TBC1D5: variants seen among roughly 807,000 people sequenced by gnomAD.
TBC1D5 encodes TBC1 domain family, member 5.
TBC1D5 carries 75 observed loss-of-function variants against 100.3 expected under a neutral mutation model. The observed-to-expected ratio is 0.75, with a 90% CI of 0.62 to 0.91. The LOEUF (loss-of-function observed/expected upper bound fraction) is 0.91, where lower values mean the gene tolerates loss of function less well. TBC1D5 is among the 40% of genes least tolerant of loss of function. The pLI, the probability that TBC1D5 is intolerant of heterozygous loss-of-function variation, is 0.00. For synonymous variants in TBC1D5, 323 were observed against 325.6 expected, an observed-to-expected ratio of 0.99 and a Z score of 0.09; for missense variants, 910 against 942.4, an observed-to-expected ratio of 0.97 and a Z score of 0.45.
chr3:17,265,193 A>G (rs2078726787), intron 15 of TBC1D5, among the ~76,000 whole-genome samples: 1 of 152,198 alleles, frequency 6.6e-6, no homozygotes, highest in East Asian at 1.9e-4. Flanking sequence ...GTATGTCCAA[A>G]TTATCATTTT....
intron 18 of TBC1D5, among the ~76,000 whole-genome samples, chr3:17,210,944 G>C (rs2072906141): frequency 6.6e-6 from 1 of 151,616 alleles, no homozygotes; most frequent in African/African-American, 2.4e-5. Context: ...TTACATTTTA[G>C]AAAAATGTAT....
intron 3 of TBC1D5, among the ~76,000 whole-genome samples, chr3:17,456,096 T>C (rs992436086): frequency 4.6e-5 from 7 of 152,122 alleles, no homozygotes; most frequent in Non-Finnish European, 5.9e-5. Flanking sequence ...AATATCTATA[T>C]GCAGAAGAAT....
intron 15 of TBC1D5, among the ~76,000 whole-genome samples, chr3:17,268,963 C>T (rs573040381): frequency 6.6e-6 from 1 of 152,176 alleles, no homozygotes; most frequent in African/African-American, 2.4e-5. Context: ...AAACATAAAA[C>T]AAGTGGTTTA....
chr3:17,693,628 G>C (rs185453951), intron 1 of TBC1D5, among the ~76,000 whole-genome samples: 5 of 152,106 alleles, frequency 3.3e-5, no homozygotes, highest in African/African-American at 1.2e-4. Flanking sequence ...CCCTGCAGCC[G>C]CTAGACTCCA....
intron 13 of TBC1D5, among the ~76,000 whole-genome samples, chr3:17,310,620 A>C (rs755886632): frequency 3.9e-5 from 6 of 152,106 alleles, no homozygotes; most frequent in Non-Finnish European, 7.4e-5. Flanking sequence ...ACTGAGAAGC[A>C]ATGGGATAGC....
chr3:17,498,790 A>C (rs1480951338), intron 3 of TBC1D5, among the ~76,000 whole-genome samples: 2 of 152,220 alleles, frequency 1.3e-5, no homozygotes, highest in African/African-American at 2.4e-5. Flanking sequence ...GAAAAGTTAT[A>C]AATATCTACA....
At chr3:17,498,395 CA>C (rs1446906690) in intron 3 of TBC1D5, among the ~76,000 whole-genome samples, 5 of 151,892 alleles carry the variant, frequency 3.3e-5, no homozygotes, top group Non-Finnish European at 7.4e-5. Context: ...AAGTTAAGAA[CA>C]AAAAATATTT....
At chr3:17,318,353 T>C (rs1044923473) in intron 13 of TBC1D5, among the ~76,000 whole-genome samples, 1 of 151,996 alleles carries the variant, frequency 6.6e-6, no homozygotes, top group African/African-American at 2.4e-5. Flanking sequence ...ATTGTGCACA[T>C]GTACCCTAAA....
At chr3:17,593,021 A>C (rs2060332824) in intron 2 of TBC1D5, among the ~76,000 whole-genome samples, 1 of 152,118 alleles carries the variant, frequency 6.6e-6, no homozygotes, top group African/African-American at 2.4e-5. Flanking sequence ...CATCAAATCC[A>C]AGTGGTATAC....
At chr3:17,592,772 G>GCT (rs1188964122) in intron 2 of TBC1D5, among the ~76,000 whole-genome samples, 7 of 152,192 alleles carry the variant, frequency 4.6e-5, no homozygotes, top group African/African-American at 1.7e-4. Flanking sequence ...CCTTTAGCAG[G>GCT]CTCCCACAGG....
rs559794949 is a variant in TBC1D5 at position 17,409,700 on chromosome 3, T to C, written c.168-3174A>G. On this transcript the variant is annotated intron_variant, in intron 4 of 21. Coordinates refer to ENST00000253692, the Ensembl canonical transcript of TBC1D5. ...ACAGAGAAAGTTTGAATGGTCTGGA[T>C]AGAAAATCAAACCAGCCACAACATT... Among the ~76,000 whole-genome samples, 10 of 152,150 alleles carry C rather than the reference T, an allele frequency of 6.6e-5. No homozygotes were observed. In the South Asian group the frequency reaches 1.7e-3, roughly 25 times the overall value.
intron 3 of TBC1D5, among the ~76,000 whole-genome samples, chr3:17,441,840 A>G (rs777131575): frequency 3.3e-5 from 5 of 152,188 alleles, no homozygotes; most frequent in Non-Finnish European, 5.9e-5. Flanking sequence ...ATTTCTCAAT[A>G]AGACTTAAAA....
At chr3:17,713,590 G>A (rs186882835) in intron 1 of TBC1D5, among the ~76,000 whole-genome samples, 11 of 152,160 alleles carry the variant, frequency 7.2e-5, no homozygotes, top group Middle Eastern at 3.4e-3. Context: ...CTTTAGTCAT[G>A]TGAAAAGACA....
intron 2 of TBC1D5, among the ~76,000 whole-genome samples, chr3:17,586,812 T>C (rs1274620996): frequency 6.6e-6 from 1 of 152,062 alleles, no homozygotes; most frequent in African/African-American, 2.4e-5. Context: ...ATTTTACATA[T>C]ATAATACAAA....
chr3:17,528,757 T>C (rs2096175677), intron 2 of TBC1D5, among the ~76,000 whole-genome samples: 1 of 152,166 alleles, frequency 6.6e-6, no homozygotes, highest in African/African-American at 2.4e-5. Flanking sequence ...CAATATTTTG[T>C]GGAAAAGCCA....
At chr3:17,258,792 T>G (rs2077996350) in intron 15 of TBC1D5, among the ~76,000 whole-genome samples, 1 of 152,168 alleles carries the variant, frequency 6.6e-6, no homozygotes, top group African/African-American at 2.4e-5. Flanking sequence ...TTTTTTCCTC[T>G]CTCATAGTTA....
chr3:17,614,469 A>G (rs967525618), intron 2 of TBC1D5, among the ~76,000 whole-genome samples: 3 of 152,176 alleles, frequency 2.0e-5, no homozygotes, highest in Non-Finnish European at 2.9e-5. Context: ...TCTATAAATT[A>G]CCCTGGGCAG....
chr3:17,500,291 G>C (rs1192390271), intron 3 of TBC1D5, among the ~76,000 whole-genome samples: 4 of 149,248 alleles, frequency 2.7e-5, no homozygotes, highest in Non-Finnish European at 5.9e-5. Context: ...AGTAAGACCA[G>C]AGGACTTTTT....
chr3:17,314,682 G>A (rs574033917), intron 13 of TBC1D5, among the ~76,000 whole-genome samples: 36 of 152,132 alleles, frequency 2.4e-4, no homozygotes, highest in Non-Finnish European at 4.3e-4. Flanking sequence ...AAACCTCCAG[G>A]TGATCTGCAT....
Sources: gnomAD v4.1 joint callset for allele counts (sites outside exome capture counted in the v4.1 genomes callset) on GRCh38, gnomAD v4.1.1 for gene constraint, MANE v1.5 for transcripts, NCBI Gene and HGNC (gene_info 2026-07-23, HGNC 2026-07-21) for gene names.